Variants in SHFL observed in about 807,000 individuals in gnomAD.
SHFL encodes shiftless antiviral inhibitor of ribosomal frameshifting protein.
A neutral mutation model predicts 34.7 loss-of-function variants in SHFL; 12 were observed. The observed-to-expected ratio is 0.35, with a 90% confidence interval of 0.22 to 0.56. SHFL has a LOEUF of 0.56. SHFL is among the 20% of genes least tolerant of loss of function. The pLI is 0.88. For missense variants in SHFL, 278 were observed against 411.1 expected, an observed-to-expected ratio of 0.68 and a Z score of 2.80; for synonymous variants, 148 against 156.0, an observed-to-expected ratio of 0.95 and a Z score of 0.38.
Position 10,086,418 on chromosome 19 carries a change from C to T in SHFL, c.-10C>T, listed in dbSNP as rs767712921. On this transcript the variant is annotated 5_prime_UTR_variant, in exon 1 of 8. Transcript: ENST00000253110. The surrounding 1 kb of genome is among the most constrained non-coding windows in gnomAD (Gnocchi z 5.2). ...TGCGGACCCTCGCGGGGAACTGCGCCGCCGCCACCATGTCTCAGGAAGGTG... is the reference window on the plus strand; with the variant it reads ...TGCGGACCCTCGCGGGGAACTGCGCTGCCGCCACCATGTCTCAGGAAGGTG... 1.5e-6 allele frequency: 2 copies of T among 1,343,408 alleles called. No individual in the cohort carries two copies. Among genetic ancestry groups the T allele is most frequent in the Admixed American group, 6.3e-5 (2 of 31,596 alleles). 83.2% of individuals were successfully genotyped at this position (1,343,408 alleles called of 1,614,324 possible). A position where few individuals can be genotyped will look rare whatever the true frequency, so the allele number is the denominator to read the frequency against.
intron 3 of SHFL, 77 bp from the exon 4 acceptor site, chr19:10,089,580 G>C: frequency 6.5e-7 from 1 of 1,535,676 alleles, no homozygotes. Context: ...CATTGCGGCC[G>C]GGGGCCTCCC....
intron 3 of SHFL, chr19:10,088,052 G>T (rs560245710): frequency 6.8e-6 from 1 of 146,166 alleles, no homozygotes; most frequent in African/African-American, 2.5e-5. Context: ...CCTGAGGTCG[G>T]GAGTTTGAGA....
chr19:10,092,986 C>T lies in SHFL; in HGVS notation c.*684C>T. 2.0e-6 allele frequency: 1 copy of T among 506,518 alleles called. No homozygotes were observed. Among genetic ancestry groups the T allele is most frequent in the Non-Finnish European group, 3.4e-6 (1 of 291,992 alleles). 31.4% of individuals were successfully genotyped at this position (506,518 alleles called of 1,614,324 possible). On this transcript the variant is annotated 3_prime_UTR_variant, in exon 8 of 8. Coordinates refer to ENST00000253110, the MANE Select transcript of SHFL (RefSeq NM_018381.4). ...AATAGCCTTAATTCCTTCCCTATCT[C>T]CTTACCAAAGTACAAGTCACATCTT...
At position 10,091,389 on chromosome 19, in the gene SHFL, GC is replaced by G; in HGVS notation, c.488+39del. The G allele has an allele frequency of 6.3e-7, 1 of 1,591,878 alleles. No homozygotes were observed. ...TGACCCCCAGCTCCCCCTCAGCCCT[GC>G]CCTACCCCAGCCCTGCCCCTCCCTG... is the stretch of plus-strand genomic sequence containing the variant. On this transcript the variant is annotated intron_variant, in intron 6 of 7. Coordinates refer to ENST00000253110, the MANE Select transcript of SHFL (RefSeq NM_018381.4). This position sits in a 1 kb window ranked among gnomAD's most constrained non-coding sequence, Gnocchi z 8.2.
intron 3 of SHFL, chr19:10,089,411 G>A: frequency 6.3e-7 from 1 of 1,596,018 alleles, no homozygotes; most frequent in Non-Finnish European, 8.5e-7. Flanking sequence ...CCTCACTCAG[G>A]CAAGCCCTCC....
At position 10,092,716 on chromosome 19, in the gene SHFL, T is replaced by C; in HGVS notation, c.*414T>C. 6.2e-7 allele frequency: 1 copy of C among 1,613,856 alleles called. No individual in the cohort carries two copies. The highest frequency in any genetic ancestry group is 8.5e-7 in the Non-Finnish European group (1 of 1,179,814). Reference sequence around the variant, plus strand: ...GTGGCCGCCGTGGTGCCACACACCGTTGAGGTTGGAGTGGGCACAGGCATG... The same window carrying C: ...GTGGCCGCCGTGGTGCCACACACCGCTGAGGTTGGAGTGGGCACAGGCATG... On this transcript the variant is annotated 3_prime_UTR_variant, in exon 8 of 8. Transcript: ENST00000253110.
At chr19:10,088,792 A>G (rs1351093709) in intron 3 of SHFL, among the ~76,000 whole-genome samples, 2 of 151,954 alleles carry the variant, frequency 1.3e-5, no homozygotes, top group East Asian at 3.9e-4. Flanking sequence ...TTAAAAATAC[A>G]AAAAATTAGC....
In SHFL at chr19:10,093,120, T is replaced by C; in HGVS notation, c.*818T>C. 1 of 577,076 alleles carries C rather than the reference T, an allele frequency of 1.7e-6. No homozygotes were observed. Among genetic ancestry groups the C allele is most frequent in the Non-Finnish European group, 3.0e-6 (1 of 333,028 alleles). The allele number at this position is 577,076 out of a possible 1,614,324, so 35.7% of individuals were successfully genotyped here. On this transcript the variant is annotated 3_prime_UTR_variant, in exon 8 of 8. Transcript: ENST00000253110. ...CTAGCTCTCACCCTCTGCCCTTTACTTGAACAGGAGTCTTGATTCTTTTTT... is the reference window on the plus strand; with the variant it reads ...CTAGCTCTCACCCTCTGCCCTTTACCTGAACAGGAGTCTTGATTCTTTTTT...
Position 10,092,555 on chromosome 19 carries a change from T to C in SHFL, c.*253T>C, listed in dbSNP as rs1446745014. 1.3e-6 allele frequency: 2 copies of C among 1,565,484 alleles called. No homozygotes were observed. The highest frequency in any genetic ancestry group is 1.7e-6 in the Non-Finnish European group (2 of 1,152,060). ...CAACTTGGGCTCCTGCTGACCAATG[T>C]CCTCTAGGGCCTAGGGGACAGAGGA... On this transcript the variant is annotated 3_prime_UTR_variant, in exon 8 of 8. Transcript: ENST00000253110.
chr19:10,093,125 C>G lies in SHFL; in HGVS notation c.*823C>G, dbSNP rs2088435649. On this transcript the variant is annotated 3_prime_UTR_variant, in exon 8 of 8. Coordinates refer to ENST00000253110, the MANE Select transcript of SHFL (RefSeq NM_018381.4). Reference sequence around the variant, plus strand: ...TCTCACCCTCTGCCCTTTACTTGAACAGGAGTCTTGATTCTTTTTTTGCCT... The same window carrying G: ...TCTCACCCTCTGCCCTTTACTTGAAGAGGAGTCTTGATTCTTTTTTTGCCT... The G allele has an allele frequency of 3.4e-6, 2 of 586,164 alleles. No individual in the cohort carries two copies. The highest frequency in any genetic ancestry group is 2.8e-5 in the East Asian group (1 of 35,706). The allele number at this position is 586,164 out of a possible 1,614,324, so 36.3% of individuals were successfully genotyped here.
At chr19:10,089,480 G>A in intron 3 of SHFL, 177 bp from the exon 4 acceptor site, 5 of 1,415,110 alleles carry the variant, frequency 3.5e-6, no homozygotes. Context: ...ACCTCTCAGG[G>A]CTGCTATGAG....
chr19:10,091,555 C>T lies in SHFL; in HGVS notation c.568C>T (p.Arg190Cys), dbSNP rs983948136. The change falls in exon 7 of 8, where the codon CGC (arginine) becomes TGC (cysteine). Residue 190 changes from arginine to cysteine, a missense_variant. This residue lies in a region of SHFL where 243 missense variants were observed against 386.2 expected (regional missense o/e 0.63). Coordinates refer to ENST00000253110, the MANE Select transcript of SHFL (RefSeq NM_018381.4). This position sits in a 1 kb window ranked among gnomAD's most constrained non-coding sequence, Gnocchi z 8.2. ...GTATCCAACACGGATCCTCCCCCCG[C>T]GCTGGGACCGGGACCCGGATCGCCG... ...PVYPTRILPP[R>C]WDRDPDRRST... 10 of 1,550,972 alleles carry T rather than the reference C, an allele frequency of 6.4e-6. No homozygotes were observed. The highest frequency in any genetic ancestry group is 2.4e-5 in the South Asian group (2 of 84,046).
chr19:10,087,282 T>C lies in SHFL; in HGVS notation c.177T>C (p.Ser59=). ...GVKQKDGQEL[S]NDLDAQDPPE... is the part of the protein sequence containing the mutation. ...AGCAAAAAGATGGCCAAGAACTAAG[T>C]AACGATCTGGATGCCCAGGTAACCT... The change falls in exon 3 of 8, where the codon AGT becomes AGC. Residue 59 remains serine, a synonymous_variant. Transcript: ENST00000253110. The C allele has an allele frequency of 1.2e-6, 2 of 1,613,952 alleles. No individual in the cohort carries two copies. Among genetic ancestry groups the C allele is most frequent in the South Asian group, 2.2e-5 (2 of 91,082 alleles).
rs2088398745 is a variant in SHFL at position 10,091,944 on chromosome 19, G to A, written c.644-126G>A. The A allele has an allele frequency of 8.4e-7, 1 of 1,193,576 alleles. No homozygotes were observed. The allele number at this position is 1,193,576 out of a possible 1,614,324, so 73.9% of individuals were successfully genotyped here. On this transcript the variant is annotated intron_variant, in intron 7 of 7. Transcript: ENST00000253110. This position sits in a 1 kb window ranked among gnomAD's most constrained non-coding sequence, Gnocchi z 8.2. ...TATCTTCAACACCCCTGAATGTCCA[G>A]TTGTGCTGGTCCCCGTATCTGGTGG...
At chr19:10,087,832 T>C (rs2088313405) in intron 3 of SHFL, 1 of 129,322 alleles carries the variant, frequency 7.7e-6, no homozygotes, top group African/African-American at 3.7e-5. Flanking sequence ...AATGAATGAA[T>C]GAATGAATGA....
chr19:10,092,263 G>C lies in SHFL; in HGVS notation c.837G>C (p.Glu279Asp). 6.2e-7 allele frequency: 1 copy of C among 1,601,390 alleles called. No individual in the cohort carries two copies. Among genetic ancestry groups the C allele is most frequent in the Non-Finnish European group, 8.5e-7 (1 of 1,174,162 alleles). Residue 279 changes from glutamate to aspartate, a missense_variant, in exon 8 of 8, where the codon GAG (glutamate) becomes GAC (aspartate). By Grantham distance (45) the Glu-to-Asp change is conservative. This residue lies in a region of SHFL where 35 missense variants were observed against 24.9 expected (regional missense o/e 1.41). Coordinates refer to ENST00000253110, the MANE Select transcript of SHFL (RefSeq NM_018381.4). ...ACCTGAAGGAGGAGGAGGAGGAAGA[G>C]GAGGAGGTGGAGGACGAGGAGGGCG... Reference protein sequence around the residue: ...LEDLKEEEEEEEEVEDEEGGP... With the variant: ...LEDLKEEEEEDEEVEDEEGGP...
Position 10,093,192 on chromosome 19 carries a change from T to G in SHFL, c.*890T>G. 9.6e-7 allele frequency: 1 copy of G among 1,038,622 alleles called. No individual in the cohort carries two copies. The highest frequency in any genetic ancestry group is 1.6e-5 in the African/African-American group (1 of 62,820). The allele number at this position is 1,038,622 out of a possible 1,614,324, so 64.3% of individuals were successfully genotyped here. On this transcript the variant is annotated 3_prime_UTR_variant, in exon 8 of 8. Transcript: ENST00000253110. ...TGGACTCCCCATCCCCCCACCAGGATAAAAGTCCTGACCTTTGTTCTCTTG... is the reference window on the plus strand; with the variant it reads ...TGGACTCCCCATCCCCCCACCAGGAGAAAAGTCCTGACCTTTGTTCTCTTG...
chr19:10,087,384 C>T (rs1055792170), intron 3 of SHFL, 84 bp downstream of exon 3: 1 of 1,453,594 alleles, frequency 6.9e-7, no homozygotes, highest in African/African-American at 1.4e-5. Context: ...TGGTGACTGA[C>T]CCCCCTCTGA....
intron 2 of SHFL, 84 bp from the exon 3 acceptor site, chr19:10,087,167 A>G: frequency 1.9e-6 from 3 of 1,599,740 alleles, no homozygotes; most frequent in Non-Finnish European, 2.6e-6. Context: ...AGCCTTGGGG[A>G]GGCTCTGCGT....
Sources: allele counts gnomAD v4.1 joint callset (sites outside exome capture counted in the v4.1 genomes callset), GRCh38; gene constraint gnomAD v4.1.1; regional missense constraint gnomAD v4.1.1; non-coding constraint Gnocchi (gnomAD v3.1); transcripts MANE v1.5; gene names NCBI Gene and HGNC (gene_info 2026-07-23, HGNC 2026-07-21).